Variants in RAI1 observed in about 807,000 individuals in gnomAD.
RAI1 encodes the protein retinoic acid induced 1, also known as retinoic acid-induced protein 1.
In RAI1, 9 loss-of-function variants were observed where a neutral mutation model predicts 123.8. The ratio of observed to expected loss-of-function variants is 0.07; its 90% CI spans 0.04 to 0.13. The LOEUF is 0.13. RAI1 is among the 10% of genes least tolerant of loss of function. The pLI, the probability that RAI1 is intolerant of heterozygous loss-of-function variation, is 1.00. For missense variants in RAI1, 2,256 were observed against 2,545.8 expected, an observed-to-expected ratio of 0.89 and a Z score of 2.45; for synonymous variants, 1,231 against 1,127.3, an observed-to-expected ratio of 1.09 and a Z score of -1.84.
chr17:17,712,636 A>G (rs1489592267), intron 1 of RAI1, among the ~76,000 whole-genome samples: 1 of 152,180 alleles, frequency 6.6e-6, no homozygotes, highest in African/African-American at 2.4e-5. Flanking sequence ...TGAGTGGGGC[A>G]AGGATGGGCC....
intron 2 of RAI1, among the ~76,000 whole-genome samples, chr17:17,763,108 T>G (rs147144724): frequency 4.0e-4 from 61 of 150,946 alleles, no homozygotes; most frequent in African/African-American, 1.4e-3. Flanking sequence ...CTAAAACAGG[T>G]TAATTGGCAA....
At chr17:17,720,903 G>A (rs1476189647) in intron 1 of RAI1, among the ~76,000 whole-genome samples, 1 of 152,108 alleles carries the variant, frequency 6.6e-6, no homozygotes, top group Non-Finnish European at 1.5e-5. Flanking sequence ...TGCCCCAGGA[G>A]CTCCAGGGAG....
At position 17,810,349 on chromosome 17, in the gene RAI1, T is replaced by G; in HGVS notation, c.*368T>G. ...TCCTGGGGACACTTTCCCTCTGGAATCTCAAGACGACGTGGCACACATTCC... is the reference window on the plus strand; with the variant it reads ...TCCTGGGGACACTTTCCCTCTGGAAGCTCAAGACGACGTGGCACACATTCC... On this transcript the variant is annotated 3_prime_UTR_variant, in exon 6 of 6. Coordinates refer to ENST00000353383, the MANE Select transcript of RAI1 (RefSeq NM_030665.4). This position sits in a 1 kb window ranked among gnomAD's most constrained non-coding sequence, Gnocchi z 4.6. The G allele has an allele frequency of 2.9e-6, 1 of 339,310 alleles. No individual in the cohort carries two copies. The highest frequency in any genetic ancestry group is 5.4e-6 in the Non-Finnish European group (1 of 184,918). The allele number at this position is 339,310 out of a possible 1,614,324, so 21.0% of individuals were successfully genotyped here. A position where few individuals can be genotyped will look rare whatever the true frequency, so the allele number is the denominator to read the frequency against.
At chr17:17,765,117 C>T (rs1013824840) in intron 2 of RAI1, among the ~76,000 whole-genome samples, 18 of 152,242 alleles carry the variant, frequency 1.2e-4, no homozygotes, top group African/African-American at 1.9e-4. Context: ...GCCCAGGCAA[C>T]ATAGCAAGAC....
intron 2 of RAI1, among the ~76,000 whole-genome samples, chr17:17,750,333 C>CGTAA (rs1332483237): frequency 3.3e-5 from 5 of 152,204 alleles, no homozygotes; most frequent in African/African-American, 1.2e-4. Context: ...CCATTTTATT[C>CGTAA]TTACAACAGC....
chr17:17,751,309 G>A (rs893805950), intron 2 of RAI1, among the ~76,000 whole-genome samples: 2 of 152,228 alleles, frequency 1.3e-5, no homozygotes, highest in African/African-American at 4.8e-5. Flanking sequence ...AGGCATGCCA[G>A]GCAGAGGGGC....
chr17:17,727,617 A>C (rs1204098740), intron 2 of RAI1, among the ~76,000 whole-genome samples: 10 of 152,222 alleles, frequency 6.6e-5, no homozygotes, highest in Middle Eastern at 3.4e-3. Context: ...TTCTCCAGAC[A>C]AAAAGCTGAG....
At chr17:17,706,171 A>T (rs1365628385) in intron 1 of RAI1, among the ~76,000 whole-genome samples, 1 of 151,880 alleles carries the variant, frequency 6.6e-6, no homozygotes, top group Non-Finnish European at 1.5e-5. Flanking sequence ...CAGCAGCCCT[A>T]TGGGATGCTT....
intron 2 of RAI1, among the ~76,000 whole-genome samples, chr17:17,785,249 G>A (rs1003687212): frequency 3.9e-5 from 6 of 152,238 alleles, no homozygotes; most frequent in Non-Finnish European, 8.8e-5. Context: ...GCTGTTGCAT[G>A]CATCCTGGCC....
chr17:17,714,145 A>T lies in RAI1; in HGVS notation c.-148-9883A>T, dbSNP rs1434650219. Among the ~76,000 whole-genome samples the T allele has an allele frequency of 1.3e-5, 2 of 152,214 alleles. No homozygotes were observed. The highest frequency in any genetic ancestry group is 2.1e-4 in the South Asian group (1 of 4,826). On this transcript the variant is annotated intron_variant, in intron 1 of 5. Coordinates refer to ENST00000353383, the MANE Select transcript of RAI1 (RefSeq NM_030665.4). This position sits in a 1 kb window ranked among gnomAD's most constrained non-coding sequence, Gnocchi z 4.9. ...TTTCTGGGCAGCCCTGCCTGCTAGC[A>T]AGCTCTTCCTTATATGGAGGTGAAA...
intron 2 of RAI1, among the ~76,000 whole-genome samples, chr17:17,754,311 TCTC>T (rs1048050324): frequency 2.0e-5 from 3 of 150,530 alleles, no homozygotes; most frequent in African/African-American, 7.4e-5. Flanking sequence ...TTCAAGCAGT[TCTC>T]CTGCCTCAGC....
chr17:17,745,101 A>G (rs938053389), intron 2 of RAI1, among the ~76,000 whole-genome samples: 1 of 152,114 alleles, frequency 6.6e-6, no homozygotes, highest in African/African-American at 2.4e-5. Flanking sequence ...AGGGTCCACA[A>G]AGGAGGGAAC....
chr17:17,803,912 C>T (rs1209148540), intron 4 of RAI1, 63 bp downstream of exon 4: 1 of 1,491,292 alleles, frequency 6.7e-7, no homozygotes, highest in African/African-American at 1.4e-5. Flanking sequence ...GGGGGACCCT[C>T]CCTGGGCACA....
intron 2 of RAI1, among the ~76,000 whole-genome samples, chr17:17,756,280 C>T (rs1011449359): frequency 7.9e-5 from 12 of 151,298 alleles, no homozygotes; most frequent in African/African-American, 2.4e-4. Flanking sequence ...TCACCGCAAC[C>T]TCTGCCTCCC....
At chr17:17,806,208 A>G (rs1284513176) in intron 4 of RAI1, among the ~76,000 whole-genome samples, 1 of 152,234 alleles carries the variant, frequency 6.6e-6, no homozygotes, top group Non-Finnish European at 1.5e-5. Context: ...GGAGGAGGTG[A>G]CATTTAAGCC....
chr17:17,761,265 T>A (rs1483382699), intron 2 of RAI1, among the ~76,000 whole-genome samples: 1 of 143,008 alleles, frequency 7.0e-6, no homozygotes, highest in Non-Finnish European at 1.6e-5. Context: ...TTTTTTTTTT[T>A]AACTAGTGCC....
intron 2 of RAI1, among the ~76,000 whole-genome samples, chr17:17,750,689 C>CAAA (rs57637022): frequency 1.2e-3 from 92 of 79,690 alleles, no homozygotes; most frequent in Middle Eastern, 7.2e-3. Context: ...TACTCCGTCT[C>CAAA]AAAAAAAAAA....
intron 1 of RAI1, among the ~76,000 whole-genome samples, chr17:17,703,324 A>G (rs1402072218): frequency 6.6e-6 from 1 of 152,224 alleles, no homozygotes; most frequent in Non-Finnish European, 1.5e-5. Context: ...CTGCACTGCA[A>G]GTCAGAATCA....
At chr17:17,789,957 A>G (rs537864620) in intron 2 of RAI1, among the ~76,000 whole-genome samples, 12 of 152,134 alleles carry the variant, frequency 7.9e-5, no homozygotes, top group Non-Finnish European at 1.8e-4. Flanking sequence ...CCACAGGCCA[A>G]ACCCACAATC....
Sources: allele counts gnomAD v4.1 joint callset (sites outside exome capture counted in the v4.1 genomes callset), GRCh38; gene constraint gnomAD v4.1.1; non-coding constraint Gnocchi (gnomAD v3.1); transcripts MANE v1.5; gene names NCBI Gene and HGNC (gene_info 2026-07-23, HGNC 2026-07-21).